VWF: variants seen among roughly 807,000 people sequenced by gnomAD.
VWF encodes Factor VIII related antigen.
A neutral mutation model predicts 308.6 loss-of-function variants in VWF; 176 were observed. The observed-to-expected ratio is 0.57, with a 90% confidence interval of 0.50 to 0.65. VWF has a LOEUF of 0.65. Ranked by LOEUF, VWF falls within the 30% of genes least tolerant of loss-of-function variation. The probability of loss-of-function intolerance (pLI) is 0.00; values close to 1 mark genes in which losing one functional copy is unlikely to be tolerated. For synonymous variants in VWF, 1,385 were observed against 1,443.4 expected (o/e 0.96, Z 0.92); for missense variants, 3,146 against 3,648.2 (o/e 0.86, Z 3.55).
rs568242026 is a variant in VWF at position 5,989,299 on chromosome 12, A to G, written c.6798+2520T>C. Reference sequence around the variant, plus strand: ...ATTTTGCTCTTCTGAAATTACTACAATAGTTTTATACCCTAGTTTATTTCC... The same window carrying G: ...ATTTTGCTCTTCTGAAATTACTACAGTAGTTTTATACCCTAGTTTATTTCC... On this transcript the variant is annotated intron_variant, in intron 38 of 51. Transcript: ENST00000261405. Among the ~76,000 whole-genome samples the G allele has an allele frequency of 2.6e-4, 40 of 152,330 alleles. 1 individual carries two copies. The South Asian group carries it at 5.8e-3, about 22-fold the overall frequency.
chr12:6,099,294 G>T (rs1039533690), intron 5 of VWF, among the ~76,000 whole-genome samples: 6 of 148,334 alleles, frequency 4.0e-5, no homozygotes, highest in Non-Finnish European at 5.9e-5. Flanking sequence ...ACTCCAGCCT[G>T]GGGGACAGAG....
In VWF at chr12:6,075,274, C is replaced by T; in HGVS notation, c.874+61G>A. On this transcript the variant is annotated intron_variant, in intron 7 of 51. Transcript: ENST00000261405. The surrounding 1 kb of genome is among the most constrained non-coding windows in gnomAD (Gnocchi z 4.7). ...CACAGCCCCGAAGCACCCTAAGGGACACCACCCAGGACAGACCGTTCATCC... is the reference window on the plus strand; with the variant it reads ...CACAGCCCCGAAGCACCCTAAGGGATACCACCCAGGACAGACCGTTCATCC... The T allele has an allele frequency of 4.4e-6, 7 of 1,606,910 alleles. No individual in the cohort carries two copies. The highest frequency in any genetic ancestry group is 1.1e-5 in the South Asian group (1 of 90,876).
chr12:5,963,390 GC>G (rs1490647290), intron 47 of VWF, among the ~76,000 whole-genome samples: 2 of 152,152 alleles, frequency 1.3e-5, no homozygotes, highest in African/African-American at 4.8e-5. Context: ...ACAGAGAAAT[GC>G]AAATTTAAAA....
At chr12:5,964,008 C>G (rs576883378) in intron 47 of VWF, among the ~76,000 whole-genome samples, 44 of 151,782 alleles carry the variant, frequency 2.9e-4, no homozygotes, top group Non-Finnish European at 5.7e-4. Flanking sequence ...GAGATTGAGA[C>G]CATTCTGGTT....
chr12:6,044,850 A>G (rs1008695358), intron 17 of VWF, among the ~76,000 whole-genome samples: 1 of 152,200 alleles, frequency 6.6e-6, no homozygotes, highest in Non-Finnish European at 1.5e-5. Context: ...CTAAATGGTT[A>G]CAACTAATGT....
intron 47 of VWF, among the ~76,000 whole-genome samples, chr12:5,965,016 G>A (rs187001116): frequency 4.6e-5 from 7 of 152,330 alleles, no homozygotes; most frequent in African/African-American, 1.7e-4. Context: ...AGCTGCACAC[G>A]ATGGACAGGA....
chr12:6,092,870 T>C (rs1945065379), intron 6 of VWF, among the ~76,000 whole-genome samples: 1 of 152,094 alleles, frequency 6.6e-6, no homozygotes, highest in Admixed American at 6.5e-5. Context: ...GTTTGCTTAC[T>C]GTATATGCAA....
chr12:6,080,267 C>G (rs2136480386), intron 6 of VWF, among the ~76,000 whole-genome samples: 1 of 152,374 alleles, frequency 6.6e-6, no homozygotes, highest in Admixed American at 6.5e-5. Flanking sequence ...TAAGGATATG[C>G]TGAATCAAAC....
chr12:6,089,515 G>A (rs1005236692), intron 6 of VWF, among the ~76,000 whole-genome samples: 4 of 152,086 alleles, frequency 2.6e-5, no homozygotes, highest in Admixed American at 2.0e-4. Flanking sequence ...TCAGAAAGGT[G>A]CCCCGGGAGG....
chr12:6,074,487 T>TAAAA (rs776702305), intron 7 of VWF, among the ~76,000 whole-genome samples: 2 of 61,982 alleles, frequency 3.2e-5, no homozygotes, highest in African/African-American at 9.9e-5. Flanking sequence ...TTCACAGACC[T>TAAAA]AAAAAAAAAA....
At position 6,057,129 on chromosome 12, in the gene VWF, C is replaced by T. The variant is rs1944588931; in HGVS notation, c.1730-57G>A. ...GGTGGGGAGGAGTGGGGGCCACGCC[C>T]TCCCGGTCAACACTCCCCTGGAAAT... On this transcript the variant is annotated intron_variant, in intron 14 of 51. Transcript: ENST00000261405. The T allele has an allele frequency of 6.2e-6, 9 of 1,453,534 alleles. No individual in the cohort carries two copies. In the African/African-American group the frequency reaches 7.1e-5, roughly 11 times the overall value. 90.0% of individuals were successfully genotyped at this position (1,453,534 alleles called of 1,614,324 possible).
rs752312532 is a variant in VWF, at chr12:6,020,268, C to T, written c.3675-525G>A. Reference sequence around the variant, plus strand: ...ACATGTTTGATATGTTGGGCCCTAACGAAGAGAGAAAAAATTGGAGCAAAA... The same window carrying T: ...ACATGTTTGATATGTTGGGCCCTAATGAAGAGAGAAAAAATTGGAGCAAAA... On this transcript the variant is annotated intron_variant, in intron 27 of 51. Transcript: ENST00000261405. This position sits in a 1 kb window ranked among gnomAD's most constrained non-coding sequence, Gnocchi z 4.3. Among the ~76,000 whole-genome samples, 19 of 152,026 alleles carry T rather than the reference C, an allele frequency of 1.2e-4. No homozygotes were observed. Among genetic ancestry groups the T allele is most frequent in the Admixed American group, 3.3e-4 (5 of 15,268 alleles).
At chr12:6,111,668 C>T (rs1035777449) in intron 3 of VWF, among the ~76,000 whole-genome samples, 4 of 152,080 alleles carry the variant, frequency 2.6e-5, no homozygotes, top group East Asian at 3.9e-4. Context: ...AAAATGGTAT[C>T]GGTCGAGTGC....
intron 3 of VWF, among the ~76,000 whole-genome samples, chr12:6,117,432 C>A (rs778727332): frequency 1.1e-4 from 17 of 152,314 alleles, no homozygotes; most frequent in South Asian, 4.1e-4. Flanking sequence ...GCCCAGCAGC[C>A]CCTGTCTCTG....
intron 43 of VWF, among the ~76,000 whole-genome samples, chr12:5,974,937 C>T (rs773722714): frequency 2.0e-5 from 3 of 152,192 alleles, no homozygotes; most frequent in South Asian, 4.1e-4. Flanking sequence ...CACTGAAACA[C>T]GAAATATATT....
intron 34 of VWF, among the ~76,000 whole-genome samples, chr12:6,000,456 AAC>A (rs1343881523): frequency 6.6e-6 from 1 of 152,188 alleles, no homozygotes; most frequent in African/African-American, 2.4e-5. Flanking sequence ...GCTATAGAAA[AAC>A]AGTTTTAAAT....
intron 18 of VWF, 62 bp from the exon 19 acceptor site, chr12:6,036,553 GC>G: frequency 6.7e-7 from 1 of 1,481,960 alleles, no homozygotes; most frequent in Non-Finnish European, 9.4e-7. Context: ...CCCTCCTCCA[GC>G]CCGCTCCAGG....
rs1331271302 is a variant in VWF, at chr12:5,983,155, G to A, written c.7076C>T (p.Thr2359Ile). Reference sequence around the variant, plus strand: ...CTCATCCACAGAGGCCTTACCGCAGGTGAAGTTGGGTCTGCACTCGCCAGG... The same window carrying A: ...CTCATCCACAGAGGCCTTACCGCAGATGAAGTTGGGTCTGCACTCGCCAGG... ...TNPGECRPNF[T>I]CACRKEECKR... Residue 2359 changes from threonine to isoleucine, a missense_variant, in exon 41 of 52, where the codon ACC (threonine) becomes ATC (isoleucine). Thr to Ile is a moderately conservative substitution (Grantham distance 89). This residue lies in a region of VWF where 989 missense variants were observed against 1,117.4 expected (regional missense o/e 0.89). Coordinates refer to ENST00000261405, the MANE Select transcript of VWF (RefSeq NM_000552.5). 6.2e-7 allele frequency: 1 copy of A among 1,613,706 alleles called. No homozygotes were observed. Among genetic ancestry groups the A allele is most frequent in the Admixed American group, 1.7e-5 (1 of 59,986 alleles).
chr12:6,083,039 C>T (rs556634693), intron 6 of VWF, among the ~76,000 whole-genome samples: 26 of 152,228 alleles, frequency 1.7e-4, no homozygotes, highest in African/African-American at 4.1e-4. Flanking sequence ...GATGAAGTCT[C>T]GCTCTTGTTG....
Sources: gnomAD v4.1 joint callset for allele counts (sites outside exome capture counted in the v4.1 genomes callset) on GRCh38, gnomAD v4.1.1 for gene constraint, gnomAD v4.1.1 regional missense constraint, Gnocchi (gnomAD v3.1) non-coding constraint, MANE v1.5 for transcripts, NCBI Gene and HGNC (gene_info 2026-07-23, HGNC 2026-07-21) for gene names.